The following SUPT3H variants were observed in gnomAD, a reference collection of about 807,000 sequenced individuals.
The protein encoded by SUPT3H is SPT3 homolog, SAGA and STAGA complex component.
Under a neutral mutation model 44.3 loss-of-function variants are expected in SUPT3H, and 44 were observed. The observed-to-expected ratio is 0.99, with a 90% CI of 0.78 to 1.28. SUPT3H has a LOEUF of 1.28. Ranked by LOEUF, SUPT3H falls within the 50% of genes most tolerant of loss-of-function variation. The pLI, the probability that SUPT3H is intolerant of heterozygous loss-of-function variation, is 0.00. For synonymous variants in SUPT3H, 124 were observed against 125.6 expected, an observed-to-expected ratio of 0.99 and a Z score of 0.09; for missense variants, 380 against 387.1, an observed-to-expected ratio of 0.98 and a Z score of 0.15.
In SUPT3H at chr6:44,827,726, A is replaced by G. The variant is rs531730593; in HGVS notation, c.*2090T>C. Among the ~76,000 whole-genome samples the G allele has an allele frequency of 6.2e-4, 95 of 152,292 alleles. No homozygotes were observed. The highest frequency in any genetic ancestry group is 2.1e-3 in the African/African-American group (89 of 41,590). On this transcript the variant is annotated 3_prime_UTR_variant, in exon 11 of 11. Transcript: ENST00000371459. ...GAGAAAGAACCTAAGTATAAAAAAT[A>G]GAAAAGGGAATTAAAAATATTGAGC... is the stretch of plus-strand genomic sequence containing the variant.
At chr6:45,179,699 C>G (rs1046109328) in intron 2 of SUPT3H, among the ~76,000 whole-genome samples, 1 of 152,064 alleles carries the variant, frequency 6.6e-6, no homozygotes, top group African/African-American at 2.4e-5. Flanking sequence ...TAAAAACTCT[C>G]AATAAATTAG....
Position 45,290,456 on chromosome 6 carries a change from C to CA in SUPT3H, c.101+74744dup, listed in dbSNP as rs70996316. 9.8e-5 allele frequency among the ~76,000 whole-genome samples: 14 copies of CA among 142,164 alleles called. No individual in the cohort carries two copies. The South Asian group carries it at 1.5e-3, about 15-fold the overall frequency. 93.3% of individuals were successfully genotyped at this position (142,164 alleles called of 152,430 possible). On this transcript the variant is annotated intron_variant, in intron 2 of 10. Transcript: ENST00000371459. ...GGAAAAAGATCAGGGCATGGATGAT[C>CA]AAAAAAAAAAAAAAAAAGCAGAGGG...
chr6:44,882,168 A>T (rs541802670), intron 10 of SUPT3H, among the ~76,000 whole-genome samples: 14 of 152,324 alleles, frequency 9.2e-5, no homozygotes, highest in Admixed American at 9.1e-4. Context: ...AGACAGAAGA[A>T]TCAAATAGAC....
chr6:45,022,322 A>G (rs1265557833), intron 3 of SUPT3H, among the ~76,000 whole-genome samples: 1 of 152,034 alleles, frequency 6.6e-6, no homozygotes, highest in African/African-American at 2.4e-5. Flanking sequence ...TATTCATAAC[A>G]TTCTCCAAAG....
intron 10 of SUPT3H, among the ~76,000 whole-genome samples, chr6:44,832,067 G>A (rs1768888295): frequency 6.6e-6 from 1 of 151,792 alleles, no homozygotes; most frequent in Non-Finnish European, 1.5e-5. Context: ...ATATTCCCTA[G>A]GGTACTCTAT....
chr6:45,174,425 A>G (rs564830886), intron 2 of SUPT3H, among the ~76,000 whole-genome samples: 8 of 152,330 alleles, frequency 5.3e-5, no homozygotes, highest in South Asian at 2.1e-4. Flanking sequence ...ATTATTATAA[A>G]AGATTCTGAC....
At chr6:45,218,252 T>C (rs548900322) in intron 2 of SUPT3H, among the ~76,000 whole-genome samples, 117 of 152,118 alleles carry the variant, frequency 7.7e-4, no homozygotes, top group Admixed American at 3.4e-3. Context: ...TTACTAAACA[T>C]GAGAAAAGAT....
chr6:45,340,493 T>A (rs964862678), intron 2 of SUPT3H, among the ~76,000 whole-genome samples: 7 of 151,988 alleles, frequency 4.6e-5, no homozygotes, highest in Admixed American at 2.6e-4. Context: ...CCAGATAATT[T>A]TGTAATTTTT....
At chr6:45,292,428 T>TA (rs1780461634) in intron 2 of SUPT3H, among the ~76,000 whole-genome samples, 1 of 151,988 alleles carries the variant, frequency 6.6e-6, no homozygotes, top group African/African-American at 2.4e-5. Flanking sequence ...AAACAAAATC[T>TA]AATGTATACA....
At chr6:45,332,247 C>T (rs1313215486) in intron 2 of SUPT3H, among the ~76,000 whole-genome samples, 2 of 151,576 alleles carry the variant, frequency 1.3e-5, no homozygotes, top group Non-Finnish European at 2.9e-5. Flanking sequence ...TCCCCCTCCC[C>T]CCGATTCAAG....
At chr6:45,249,079 G>A (rs186820829) in intron 2 of SUPT3H, among the ~76,000 whole-genome samples, 6 of 152,092 alleles carry the variant, frequency 3.9e-5, no homozygotes, top group East Asian at 1.9e-4. Context: ...ACGTGATATC[G>A]TTTCTAAACT....
intron 10 of SUPT3H, among the ~76,000 whole-genome samples, chr6:44,887,080 T>C (rs1482993899): frequency 2.6e-5 from 4 of 152,172 alleles, no homozygotes. Flanking sequence ...ATACTAAATA[T>C]ATATGCACCC....
chr6:45,371,090 T>C, intron 1 of SUPT3H, among the ~76,000 whole-genome samples: 1 of 152,130 alleles, frequency 6.6e-6, no homozygotes, highest in East Asian at 1.9e-4. Context: ...ACTTTTGAGA[T>C]ATGTGGAAGA....
At chr6:45,311,872 C>T (rs549495652) in intron 2 of SUPT3H, among the ~76,000 whole-genome samples, 4 of 152,034 alleles carry the variant, frequency 2.6e-5, no homozygotes, top group Admixed American at 6.5e-5. Context: ...AAGCATAAAG[C>T]ACACACGACC....
chr6:45,330,291 C>G (rs1787197563), intron 2 of SUPT3H, among the ~76,000 whole-genome samples: 1 of 151,830 alleles, frequency 6.6e-6, no homozygotes, highest in East Asian at 1.9e-4. Context: ...CACAGCTAGA[C>G]TACATTACAA....
intron 10 of SUPT3H, among the ~76,000 whole-genome samples, chr6:44,903,982 C>G (rs953090498): frequency 2.0e-5 from 3 of 152,096 alleles, no homozygotes; most frequent in Admixed American, 2.0e-4. Context: ...ATTCAACAGC[C>G]CTTCATCCTA....
chr6:45,163,798 A>AT (rs1010470483), intron 2 of SUPT3H, among the ~76,000 whole-genome samples: 2 of 108,366 alleles, frequency 1.8e-5, no homozygotes, highest in African/African-American at 3.5e-5. Flanking sequence ...TGTCACTTTT[A>AT]TAAAAAAAAA....
chr6:45,283,163 A>G (rs1288484518), intron 2 of SUPT3H, among the ~76,000 whole-genome samples: 1 of 152,212 alleles, frequency 6.6e-6, no homozygotes, highest in Non-Finnish European at 1.5e-5. Flanking sequence ...GAGGCTAGGA[A>G]AAAACTGCAT....
intron 2 of SUPT3H, among the ~76,000 whole-genome samples, chr6:45,320,380 C>T (rs1461492468): frequency 6.6e-6 from 1 of 151,994 alleles, no homozygotes; most frequent in Non-Finnish European, 1.5e-5. Context: ...CCTCTCACCT[C>T]AGCCTCCCTA....
Sources: gnomAD v4.1 joint callset for allele counts (sites outside exome capture counted in the v4.1 genomes callset) on GRCh38, gnomAD v4.1.1 for gene constraint, MANE v1.5 for transcripts, NCBI Gene and HGNC (gene_info 2026-07-23, HGNC 2026-07-21) for gene names.